The following FAT4 variants were observed in gnomAD, a reference collection of about 807,000 sequenced individuals.
FAT4 encodes the protein FAT atypical cadherin 4.
Under a neutral mutation model 303.9 loss-of-function variants are expected in FAT4, and 84 were observed. The ratio of observed to expected loss-of-function variants is 0.28; its 90% CI spans 0.23 to 0.33. The LOEUF (loss-of-function observed/expected upper bound fraction) is 0.33, where lower values mean the gene tolerates loss of function less well. FAT4 is among the 10% of genes least tolerant of loss of function. The pLI is 1.00. For synonymous variants in FAT4, 2,307 were observed against 2,298.8 expected (o/e 1.00, Z -0.10); for missense variants, 6,005 against 6,146.8 (o/e 0.98, Z 0.77).
chr4:125,338,771 CATATTTTAAACTATTGGAA>C (rs1159595332), intron 2 of FAT4, among the ~76,000 whole-genome samples: 3 of 152,074 alleles, frequency 2.0e-5, no homozygotes, highest in Non-Finnish European at 4.4e-5. Context: ...GCTTTGTCTG[CATATTTTAAACTATTGGAA>C]ATGAATTTTT....
At chr4:125,474,407 C>T (rs923205514) in intron 12 of FAT4, among the ~76,000 whole-genome samples, 12 of 151,596 alleles carry the variant, frequency 7.9e-5, no homozygotes, top group South Asian at 2.1e-4. Context: ...TGGATGTCAC[C>T]GCATTTTACA....
In FAT4 at chr4:125,490,898, C is replaced by T; in HGVS notation, c.14082C>T (p.Cys4694=). ...CCAGCTCCCTAAGCCACTCAGCATG[C>T]CCAACTCCCAACCCTCTGTCTCGAC... ...LRTSSLSHSA[C]PTPNPLSRHS... is the part of the protein sequence containing the mutation. Residue 4694 remains cysteine, a synonymous_variant, in exon 18 of 18, where the codon TGC becomes TGT. Transcript: ENST00000394329. The T allele has an allele frequency of 6.2e-7, 1 of 1,614,206 alleles. No individual in the cohort carries two copies. The highest frequency in any genetic ancestry group is 8.5e-7 in the Non-Finnish European group (1 of 1,180,042).
At position 125,408,513 on chromosome 4, in the gene FAT4, T is replaced by C; in HGVS notation, c.5639T>C (p.Val1880Ala). The change falls in exon 5 of 18, where the codon GTG (valine) becomes GCG (alanine). Residue 1880 changes from valine to alanine, a missense_variant. Transcript: ENST00000394329. ...GTGAATGGAGAAATTACATATATTG[T>C]GAATGAAGATGATGAAGATGGCATC... ...SGVNGEITYIVNEDDEDGIFF... is the reference protein window; with the variant it reads ...SGVNGEITYIANEDDEDGIFF... The C allele has an allele frequency of 1.2e-6, 2 of 1,613,386 alleles. No homozygotes were observed. Among genetic ancestry groups the C allele is most frequent in the Non-Finnish European group, 1.7e-6 (2 of 1,179,638 alleles).
chr4:125,321,020 G>A lies in FAT4; in HGVS notation c.4609G>A (p.Ala1537Thr). The part of the protein sequence containing the change: ...PMFISQNALA[A>T]DPSAVIGSVL... ...GTTTATATCACAAAACGCCCTTGCT[G>A]CAGACCCATCAGCTGTGATTGGTTC... Residue 1537 changes from alanine to threonine, a missense_variant, in exon 2 of 18, where the codon GCA becomes ACA. Ala to Thr is a moderately conservative substitution (Grantham distance 58). Coordinates refer to ENST00000394329, the MANE Select transcript of FAT4 (RefSeq NM_001291303.3). 1 of 1,614,178 alleles carries A rather than the reference G, an allele frequency of 6.2e-7. No homozygotes were observed. The highest frequency in any genetic ancestry group is 8.5e-7 in the Non-Finnish European group (1 of 1,180,026).
At position 125,491,952 on chromosome 4, in the gene FAT4, C is replaced by T; in HGVS notation, c.*184C>T. ...GACTCACAACAACTCTTAATTTAAA[C>T]ATGTGTGGTTGAATTTATTTCCCTG... On this transcript the variant is annotated 3_prime_UTR_variant, in exon 18 of 18. Transcript: ENST00000394329. 1 of 598,320 alleles carries T rather than the reference C, an allele frequency of 1.7e-6. No individual in the cohort carries two copies. Among genetic ancestry groups the T allele is most frequent in the Non-Finnish European group, 2.8e-6 (1 of 356,720 alleles). 37.1% of individuals were successfully genotyped at this position (598,320 alleles called of 1,614,324 possible). A position where few individuals can be genotyped will look rare whatever the true frequency, so the allele number is the denominator to read the frequency against.
In FAT4 at chr4:125,414,954, T is replaced by C. The variant is rs578105928; in HGVS notation, c.5991T>C (p.Asn1997=). ...DSLGQFTVDK[N]GVLKVLKALD... ...TTGGGCAGTTTACTGTTGACAAGAA[T>C]GGTGTACTCAAAGTCCTAAAAGCTT... The change falls in exon 6 of 18, where the codon AAT becomes AAC. Residue 1997 remains asparagine (N), a synonymous_variant. Coordinates refer to ENST00000394329, the MANE Select transcript of FAT4 (RefSeq NM_001291303.3). 6.2e-7 allele frequency: 1 copy of C among 1,613,868 alleles called. No individual in the cohort carries two copies. The highest frequency in any genetic ancestry group is 8.5e-7 in the Non-Finnish European group (1 of 1,179,804).
In FAT4 at chr4:125,481,246, G is replaced by A. The variant is rs10518468; in HGVS notation, c.12605-275G>A. Reference sequence around the variant, plus strand: ...CTGTCTTTAGATATTCATAATTTACGTAATGTGGCAAATAGTTTAGTAAAA... The same window carrying A: ...CTGTCTTTAGATATTCATAATTTACATAATGTGGCAAATAGTTTAGTAAAA... On this transcript the variant is annotated intron_variant, in intron 15 of 17. Coordinates refer to ENST00000394329, the MANE Select transcript of FAT4 (RefSeq NM_001291303.3). 6.9e-3 allele frequency among the ~76,000 whole-genome samples: 1,044 copies of A among 152,192 alleles called. 54 individuals carry two copies. The East Asian group carries it at 0.081, about 12-fold the overall frequency.
In FAT4 at chr4:125,487,589, A is replaced by G. The variant is rs1727454951; in HGVS notation, c.13067A>G (p.His4356Arg). ...GGAGGAATTCCACCCAATCAAGCACATCGAGATGCCCAAACAGGTAAATGC... is the reference window on the plus strand; with the variant it reads ...GGAGGAATTCCACCCAATCAAGCACGTCGAGATGCCCAAACAGGTAAATGC... ...SLGGIPPNQAHRDAQTAGFDG... is the reference protein window; with the variant it reads ...SLGGIPPNQARRDAQTAGFDG... Residue 4356 changes from histidine to arginine, a missense_variant, in exon 17 of 18, where the codon CAT becomes CGT. Transcript: ENST00000394329. 1 of 1,608,850 alleles carries G rather than the reference A, an allele frequency of 6.2e-7. No homozygotes were observed. The highest frequency in any genetic ancestry group is 1.1e-5 in the South Asian group (1 of 90,050).
rs773330887 is a variant in FAT4, at chr4:125,317,153, C to T, written c.742C>T (p.Pro248Ser). The change falls in exon 2 of 18, where the codon CCG becomes TCG. Residue 248 changes from proline (P) to serine (S), a missense_variant. By Grantham distance (74) the Pro-to-Ser change is moderately conservative. Transcript: ENST00000394329. The surrounding 1 kb of genome is among the most constrained non-coding windows in gnomAD (Gnocchi z 7.0). ...VTVQDINDNP[P>S]VFGSSHYQAG... ...TGTGCAAGACATTAATGACAACCCCCCGGTTTTTGGCAGTTCTCACTACCA... is the reference window on the plus strand; with the variant it reads ...TGTGCAAGACATTAATGACAACCCCTCGGTTTTTGGCAGTTCTCACTACCA... 1 of 1,610,142 alleles carries T rather than the reference C, an allele frequency of 6.2e-7. No individual in the cohort carries two copies. Among genetic ancestry groups the T allele is most frequent in the Middle Eastern group, 1.7e-4 (1 of 6,050 alleles).
intron 2 of FAT4, among the ~76,000 whole-genome samples, chr4:125,335,960 G>A (rs1323148452): frequency 1.3e-5 from 2 of 151,944 alleles, no homozygotes; most frequent in Non-Finnish European, 2.9e-5. Context: ...TTTTGTTGAT[G>A]CTACATTCAG....
intron 12 of FAT4, among the ~76,000 whole-genome samples, chr4:125,475,085 G>A (rs1213589579): frequency 3.3e-5 from 5 of 152,116 alleles, no homozygotes; most frequent in Admixed American, 3.3e-4. Flanking sequence ...TGTCTGCATT[G>A]GGAGAAACCT....
intron 8 of FAT4, among the ~76,000 whole-genome samples, chr4:125,445,521 A>G (rs1177884149): frequency 6.6e-6 from 1 of 152,130 alleles, no homozygotes; most frequent in Non-Finnish European, 1.5e-5. Flanking sequence ...GACCATAGCC[A>G]ATTTCTGAAC....
intron 12 of FAT4, among the ~76,000 whole-genome samples, chr4:125,469,100 T>C (rs1330720318): frequency 6.6e-6 from 1 of 152,252 alleles, no homozygotes; most frequent in Non-Finnish European, 1.5e-5. Context: ...TAACTACCTT[T>C]CTTTCCTAAG....
At chr4:125,391,610 A>G (rs1578589788) in intron 2 of FAT4, among the ~76,000 whole-genome samples, 2 of 152,162 alleles carry the variant, frequency 1.3e-5, no homozygotes, top group Non-Finnish European at 2.9e-5. Flanking sequence ...CAACAAACCT[A>G]CACATTCTGC....
chr4:125,381,581 A>G (rs1435121787), intron 2 of FAT4, among the ~76,000 whole-genome samples: 3 of 152,242 alleles, frequency 2.0e-5, no homozygotes, highest in Non-Finnish European at 4.4e-5. Flanking sequence ...CTGAGCCTTC[A>G]GCAAGTTGTC....
At chr4:125,390,466 T>A (rs1396823784) in intron 2 of FAT4, among the ~76,000 whole-genome samples, 1 of 152,182 alleles carries the variant, frequency 6.6e-6, no homozygotes, top group South Asian at 2.1e-4. Context: ...ATTTGGTTAG[T>A]TTGCTTTCAA....
At chr4:125,341,299 A>T (rs955730490) in intron 2 of FAT4, among the ~76,000 whole-genome samples, 1 of 152,162 alleles carries the variant, frequency 6.6e-6, no homozygotes, top group Non-Finnish European at 1.5e-5. Flanking sequence ...TGCTTAGCAC[A>T]GAATGTATGA....
intron 8 of FAT4, among the ~76,000 whole-genome samples, chr4:125,439,594 C>T (rs932740466): frequency 6.6e-6 from 1 of 152,034 alleles, no homozygotes; most frequent in Non-Finnish European, 1.5e-5. Flanking sequence ...CTGCCTTGGC[C>T]TCCCAAAGTG....
Position 125,452,591 on chromosome 4 carries a change from T to A in FAT4, c.11581T>A (p.Cys3861Ser). 6.2e-7 allele frequency: 1 copy of A among 1,614,148 alleles called. No individual in the cohort carries two copies. The highest frequency in any genetic ancestry group is 8.5e-7 in the Non-Finnish European group (1 of 1,180,042). Residue 3861 changes from cysteine to serine, a missense_variant, in exon 10 of 18, where the codon TGT becomes AGT. Physicochemically the swap from Cys to Ser is moderately radical, Grantham distance 112. Coordinates refer to ENST00000394329, the MANE Select transcript of FAT4 (RefSeq NM_001291303.3). ...KCLPGYAGSW[C>S]EIDIDECLPS... The stretch of plus-strand genomic sequence containing the variant: ...TCTGCCAGGATATGCGGGTAGCTGG[T>A]GTGAAATAGATATAGATGAATGTCT...
Sources: allele counts gnomAD v4.1 joint callset (sites outside exome capture counted in the v4.1 genomes callset), GRCh38; gene constraint gnomAD v4.1.1; non-coding constraint Gnocchi (gnomAD v3.1); transcripts MANE v1.5; gene names NCBI Gene and HGNC (gene_info 2026-07-23, HGNC 2026-07-21).